The following SH3KBP1 variants were observed in gnomAD, a reference collection of about 807,000 sequenced individuals.
The protein encoded by SH3KBP1 is SH3 domain-containing kinase-binding protein 1.
In SH3KBP1, 8 loss-of-function variants were observed where a neutral mutation model predicts 50.1. That is an observed-to-expected ratio of 0.16 (90% CI 0.09 to 0.29). SH3KBP1 has a LOEUF of 0.29. Among genes scored for constraint, SH3KBP1 ranks in the 10% least tolerant of loss-of-function variants. SH3KBP1 has a pLI of 1.00. For missense variants in SH3KBP1, 377 were observed against 535.2 expected, an observed-to-expected ratio of 0.70 and a Z score of 2.92; for synonymous variants, 227 against 218.6, an observed-to-expected ratio of 1.04 and a Z score of -0.34.
Position 19,824,735 on chromosome X carries a change from G to A in SH3KBP1, c.162+11390C>T, listed in dbSNP as rs1042487673. Among the ~76,000 whole-genome samples the A allele has an allele frequency of 5.4e-5, 6 of 111,330 alleles. No individual in the cohort carries two copies. The East Asian group carries it at 1.1e-3, about 21-fold the overall frequency. On this transcript the variant is annotated intron_variant, in intron 2 of 17. Coordinates refer to ENST00000397821, the MANE Select transcript of SH3KBP1 (RefSeq NM_031892.3). ...AGATTCCATTATGCATAATCACCACGATCAACTCAGTCAGGCGATTAAAAC... is the reference window on the plus strand; with the variant it reads ...AGATTCCATTATGCATAATCACCACAATCAACTCAGTCAGGCGATTAAAAC...
chrX:19,649,383 A>C (rs187277436), intron 6 of SH3KBP1, among the ~76,000 whole-genome samples: 32 of 111,307 alleles, frequency 2.9e-4, no homozygotes, highest in Admixed American at 2.7e-3. Context: ...AGGCAGCTGA[A>C]GACTTCCCAG....
At chrX:19,717,931 G>T (rs972319772) in intron 3 of SH3KBP1, among the ~76,000 whole-genome samples, 2 of 111,130 alleles carry the variant, frequency 1.8e-5, no homozygotes, top group African/African-American at 6.6e-5. Context: ...TGTATAAGAA[G>T]GTTCAGGGCA....
chrX:19,659,109 A>ATTTT (rs147804094), intron 6 of SH3KBP1, among the ~76,000 whole-genome samples: 2 of 57,328 alleles, frequency 3.5e-5, no homozygotes, highest in African/African-American at 1.1e-4. Context: ...TGCCCAGCTA[A>ATTTT]TTTTTTTTTT....
chrX:19,823,475 T>C, intron 2 of SH3KBP1, among the ~76,000 whole-genome samples: 1 of 112,131 alleles, frequency 8.9e-6, no homozygotes, highest in East Asian at 2.8e-4. Flanking sequence ...GTCTACTCTC[T>C]GCTCCTATAG....
At chrX:19,553,314 C>T (rs1317278679) in intron 13 of SH3KBP1, among the ~76,000 whole-genome samples, 1 of 111,280 alleles carries the variant, frequency 9.0e-6, no homozygotes, top group Non-Finnish European at 1.9e-5. Flanking sequence ...CCCTCCTGGG[C>T]CCACTGAATT....
chrX:19,603,979 C>T (rs2067168921), intron 9 of SH3KBP1, among the ~76,000 whole-genome samples: 1 of 111,944 alleles, frequency 8.9e-6, no homozygotes, highest in Non-Finnish European at 1.9e-5. Context: ...TGAACCACCA[C>T]ACTGGCCACT....
chrX:19,867,156 G>C (rs995154709), intron 1 of SH3KBP1, among the ~76,000 whole-genome samples: 1 of 111,661 alleles, frequency 9.0e-6, no homozygotes, highest in African/African-American at 3.3e-5. Flanking sequence ...ACCTGAGAAG[G>C]CTGTGGTCTT....
chrX:19,563,904 C>T (rs1284334955), intron 13 of SH3KBP1, among the ~76,000 whole-genome samples: 2 of 111,568 alleles, frequency 1.8e-5, no homozygotes, highest in African/African-American at 6.5e-5. Context: ...CCCGAGAGAG[C>T]TGGAAGGCGC....
chrX:19,719,729 G>T (rs1366642455), intron 3 of SH3KBP1, among the ~76,000 whole-genome samples: 1 of 108,861 alleles, frequency 9.2e-6, no homozygotes, highest in African/African-American at 3.3e-5. Context: ...GAGAACCCTG[G>T]GGCCAGGCAT....
intron 4 of SH3KBP1, among the ~76,000 whole-genome samples, chrX:19,704,881 C>T (rs921045401): frequency 8.9e-6 from 1 of 112,427 alleles, no homozygotes; most frequent in Admixed American, 9.4e-5. Flanking sequence ...ATCACAAATA[C>T]TGCTGTAATT....
rs1246088921 is a variant in SH3KBP1, at chrX:19,592,064, T to C, written c.1138+3A>G. On this transcript the variant is annotated splice_donor_region_variant and intron_variant, in intron 11 of 17. Transcript: ENST00000397821. ...AAGTGCCAATGAAGAATTGATTTCA[T>C]ACCTTTTTCTTCTGTTCTGTTTGGA... The C allele has an allele frequency of 8.4e-7, 1 of 1,190,310 alleles. No homozygotes were observed. The highest frequency in any genetic ancestry group is 1.1e-6 in the Non-Finnish European group (1 of 877,537).
chrX:19,712,373 A>C (rs181476149), intron 3 of SH3KBP1, among the ~76,000 whole-genome samples: 80 of 112,350 alleles, frequency 7.1e-4, no homozygotes, highest in African/African-American at 2.5e-3. Flanking sequence ...ATTACAATAC[A>C]TTCATTAAAA....
chrX:19,762,218 A>C (rs1015100228), intron 2 of SH3KBP1, among the ~76,000 whole-genome samples: 12 of 112,590 alleles, frequency 1.1e-4, no homozygotes, highest in Non-Finnish European at 2.2e-4. Flanking sequence ...TGTAAAACAA[A>C]ATTGATAATA....
intron 6 of SH3KBP1, among the ~76,000 whole-genome samples, chrX:19,650,150 G>A (rs182563349): frequency 1.4e-3 from 152 of 112,051 alleles, no homozygotes; most frequent in Non-Finnish European, 1.7e-3. Flanking sequence ...CCCCTGTCCA[G>A]AGGCCTGGCT....
In SH3KBP1 at chrX:19,843,087, C is replaced by G. The variant is rs183123130; in HGVS notation, c.5-6805G>C. On this transcript the variant is annotated intron_variant, in intron 1 of 17. Coordinates refer to ENST00000397821, the MANE Select transcript of SH3KBP1 (RefSeq NM_031892.3). ...GGGCTGGAGTGCAATGGCGTGATCT[C>G]GGCTCACTGCAACCTCCACCTCCCA... 9.1e-4 allele frequency among the ~76,000 whole-genome samples: 84 copies of G among 92,180 alleles called. 1 individual carries two copies. In the East Asian group the frequency reaches 0.023, roughly 26 times the overall value. 80.0% of individuals were successfully genotyped at this position (92,180 alleles called of 115,157 possible). A position where few individuals can be genotyped will look rare whatever the true frequency, so the allele number is the denominator to read the frequency against.
chrX:19,585,696 G>A (rs2066546125), intron 12 of SH3KBP1, among the ~76,000 whole-genome samples: 1 of 111,188 alleles, frequency 9.0e-6, no homozygotes, highest in Non-Finnish European at 1.9e-5. Context: ...ACTACCAGCA[G>A]CAGCAGCAGC....
At chrX:19,883,281 T>C (rs1032630753) in intron 1 of SH3KBP1, among the ~76,000 whole-genome samples, 2 of 112,716 alleles carry the variant, frequency 1.8e-5, no homozygotes, top group Non-Finnish European at 3.8e-5. Context: ...TGAGAAGCGC[T>C]GCATTAGAGG....
At position 19,570,970 on chromosome X, in the gene SH3KBP1, T is replaced by C. The variant is rs192501759; in HGVS notation, c.1299-1782A>G. Among the ~76,000 whole-genome samples, 56 of 111,393 alleles carry C rather than the reference T, an allele frequency of 5.0e-4. 4 individuals are homozygous for C. In the East Asian group the frequency reaches 7.7e-3, roughly 15 times the overall value. On this transcript the variant is annotated intron_variant, in intron 12 of 17. Coordinates refer to ENST00000397821, the MANE Select transcript of SH3KBP1 (RefSeq NM_031892.3). ...AGATCCTGTTTCAAAAAAGGGAGTG[T>C]TTGTGGGCGCATTTGGCACAACATG...
intron 12 of SH3KBP1, among the ~76,000 whole-genome samples, chrX:19,586,712 C>T (rs1231140305): frequency 8.9e-6 from 1 of 111,770 alleles, no homozygotes; most frequent in African/African-American, 3.3e-5. Flanking sequence ...TAGAATGACA[C>T]AGGTGAACCA....
Sources: allele counts gnomAD v4.1 joint callset (sites outside exome capture counted in the v4.1 genomes callset), GRCh38; gene constraint gnomAD v4.1.1; transcripts MANE v1.5; gene names NCBI Gene and HGNC (gene_info 2026-07-23, HGNC 2026-07-21).